Variants in SUSD1 observed in about 807,000 individuals in gnomAD.
The protein encoded by SUSD1 is sushi domain-containing protein 1.
In SUSD1, 65 loss-of-function variants were observed where a neutral mutation model predicts 86.9. The ratio of observed to expected loss-of-function variants is 0.75; its 90% CI spans 0.61 to 0.92. The LOEUF (loss-of-function observed/expected upper bound fraction) is 0.92, where lower values mean the gene tolerates loss of function less well. Among genes scored for constraint, SUSD1 ranks in the 40% least tolerant of loss-of-function variants. The probability of loss-of-function intolerance (pLI) is 0.00; values close to 1 mark genes in which losing one functional copy is unlikely to be tolerated. For missense variants in SUSD1, 850 were observed against 929.7 expected, an observed-to-expected ratio of 0.91 and a Z score of 1.11; for synonymous variants, 346 against 350.0, an observed-to-expected ratio of 0.99 and a Z score of 0.13.
chr9:112,162,884 G>A (rs1564354838), intron 1 of SUSD1, among the ~76,000 whole-genome samples: 1 of 152,066 alleles, frequency 6.6e-6, no homozygotes, highest in African/African-American at 2.4e-5. Context: ...GGTCTTGTAT[G>A]GAAAATGTAA....
chr9:112,058,797 G>C, intron 13 of SUSD1, 111 bp from the exon 14 acceptor site: 1 of 1,393,542 alleles, frequency 7.2e-7, no homozygotes, highest in Non-Finnish European at 9.5e-7. Context: ...TTGTTTTTTT[G>C]TTTTTTGTTT....
At chr9:112,097,423 A>C (rs557523606) in intron 10 of SUSD1, among the ~76,000 whole-genome samples, 8 of 92,376 alleles carry the variant, frequency 8.7e-5, no homozygotes, top group African/African-American at 3.4e-4. Flanking sequence ...TTTGAGATGG[A>C]GTTTGGCTCT....
intron 2 of SUSD1, 102 bp from the exon 3 acceptor site, chr9:112,149,501 G>A: frequency 1.5e-6 from 2 of 1,320,972 alleles, no homozygotes; most frequent in Non-Finnish European, 2.1e-6. Flanking sequence ...CCAACGTTCT[G>A]TGACCACACC....
chr9:112,097,450 G>C (rs1830446118), intron 10 of SUSD1, among the ~76,000 whole-genome samples: 1 of 138,350 alleles, frequency 7.2e-6, no homozygotes, highest in Non-Finnish European at 1.5e-5. Context: ...CCAAGCTAGA[G>C]TGCAATGGCG....
chr9:112,155,041 G>A (rs572725798), intron 2 of SUSD1, among the ~76,000 whole-genome samples: 31 of 151,822 alleles, frequency 2.0e-4, no homozygotes, highest in Non-Finnish European at 3.1e-4. Context: ...ACCTGAGGTC[G>A]GGAGTTCAAG....
At chr9:112,083,357 A>G (rs1257763618) in intron 10 of SUSD1, among the ~76,000 whole-genome samples, 1 of 152,018 alleles carries the variant, frequency 6.6e-6, no homozygotes, top group African/African-American at 2.4e-5. Flanking sequence ...CCTCCCAAGT[A>G]GCTGGGACTA....
chr9:112,099,440 GA>G (rs560708731), intron 9 of SUSD1, among the ~76,000 whole-genome samples: 6 of 146,736 alleles, frequency 4.1e-5, no homozygotes, highest in South Asian at 2.2e-4. Context: ...ACCCATGGAA[GA>G]AAAAAAAAAC....
At chr9:112,096,402 G>A (rs1209307977) in intron 10 of SUSD1, among the ~76,000 whole-genome samples, 1 of 152,066 alleles carries the variant, frequency 6.6e-6, no homozygotes, top group Admixed American at 6.6e-5. Context: ...AAGATTCCTA[G>A]GTTTCAACAG....
chr9:112,107,754 C>T (rs761751789), intron 8 of SUSD1, among the ~76,000 whole-genome samples: 3 of 151,938 alleles, frequency 2.0e-5, no homozygotes, highest in Non-Finnish European at 2.9e-5. Context: ...TTGTTACTAG[C>T]GAAAGAATCT....
intron 9 of SUSD1, among the ~76,000 whole-genome samples, chr9:112,101,124 A>G (rs541601044): frequency 1.6e-3 from 239 of 151,678 alleles, no homozygotes; most frequent in African/African-American, 5.5e-3. Flanking sequence ...CACCTAGGGA[A>G]GCTGAGGCGG....
intron 11 of SUSD1, among the ~76,000 whole-genome samples, chr9:112,079,522 C>T (rs552731649): frequency 6.6e-6 from 1 of 152,218 alleles, no homozygotes; most frequent in East Asian, 1.9e-4. Context: ...TTTCCTTAAC[C>T]ACCCTGACAC....
At position 112,113,032 on chromosome 9, in the gene SUSD1, C is replaced by G. The variant is rs1013289169; in HGVS notation, c.887-164G>C. ...ATGCAAGCTCTCCCAAGCCAATCAC[C>G]CAACTTCTCTTCATCATGAATGAGC... On this transcript the variant is annotated intron_variant, in intron 6 of 16. Coordinates refer to ENST00000374270, the MANE Select transcript of SUSD1 (RefSeq NM_022486.5). The surrounding 1 kb of genome is among the most constrained non-coding windows in gnomAD (Gnocchi z 4.1). Among the ~76,000 whole-genome samples, 10 of 152,144 alleles carry G rather than the reference C, an allele frequency of 6.6e-5. No individual in the cohort carries two copies. Among genetic ancestry groups the G allele is most frequent in the African/African-American group, 2.4e-4 (10 of 41,430 alleles).
chr9:112,044,157 G>A (rs1487182201), intron 15 of SUSD1, among the ~76,000 whole-genome samples: 1 of 152,136 alleles, frequency 6.6e-6, no homozygotes, highest in Non-Finnish European at 1.5e-5. Context: ...AATTAGTAAA[G>A]AAAAAATATT....
intron 9 of SUSD1, among the ~76,000 whole-genome samples, chr9:112,101,706 G>A (rs936990438): frequency 7.2e-5 from 11 of 152,062 alleles, no homozygotes; most frequent in Admixed American, 2.0e-4. Context: ...TTAGCTGGGC[G>A]TGGTGGCTCA....
intron 12 of SUSD1, among the ~76,000 whole-genome samples, chr9:112,070,300 C>T (rs1829209770): frequency 6.6e-6 from 1 of 152,364 alleles, no homozygotes; most frequent in Admixed American, 6.5e-5. Context: ...AGCCACCACG[C>T]CCAGCCGCTG....
At chr9:112,150,910 T>C (rs1833016620) in intron 2 of SUSD1, among the ~76,000 whole-genome samples, 1 of 152,172 alleles carries the variant, frequency 6.6e-6, no homozygotes, top group Non-Finnish European at 1.5e-5. Context: ...TAGGAAGGCC[T>C]AGAACGTTAT....
rs75924727 is a variant in SUSD1, at chr9:112,098,458, G to A, written c.1474+12C>T. 472 of 1,613,286 alleles carry A rather than the reference G, an allele frequency of 2.9e-4. 2 individuals are homozygous for A. The African/African-American group carries it at 5.6e-3, about 19-fold the overall frequency. ...GTCCTGAGGCACAAAAAAGAAAGAC[G>A]TCTACACCCACCTGCTGGGGGAGTT... is the stretch of plus-strand genomic sequence containing the variant. On this transcript the variant is annotated intron_variant, in intron 10 of 16. Coordinates refer to ENST00000374270, the MANE Select transcript of SUSD1 (RefSeq NM_022486.5).
intron 6 of SUSD1, among the ~76,000 whole-genome samples, chr9:112,114,599 C>T (rs1009501804): frequency 6.6e-6 from 1 of 152,184 alleles, no homozygotes; most frequent in African/African-American, 2.4e-5. Context: ...AGCCCCAGCT[C>T]AAGCTTTCCC....
intron 5 of SUSD1, among the ~76,000 whole-genome samples, chr9:112,137,454 T>C (rs1442024519): frequency 6.6e-6 from 1 of 152,242 alleles, no homozygotes; most frequent in Non-Finnish European, 1.5e-5. Context: ...CAAGGCAATC[T>C]AAATGGTTTT....
Sources: allele counts gnomAD v4.1 joint callset (sites outside exome capture counted in the v4.1 genomes callset), GRCh38; gene constraint gnomAD v4.1.1; non-coding constraint Gnocchi (gnomAD v3.1); transcripts MANE v1.5; gene names NCBI Gene and HGNC (gene_info 2026-07-23, HGNC 2026-07-21).